The following NLGN1 variants were observed in gnomAD, a reference collection of about 807,000 sequenced individuals.
NLGN1 encodes the protein neuroligin 1.
NLGN1 carries 12 observed loss-of-function variants against 65.5 expected under a neutral mutation model. The ratio of observed to expected loss-of-function variants is 0.18; its 90% confidence interval spans 0.12 to 0.30. The LOEUF is 0.30. NLGN1 is among the 10% of genes least tolerant of loss of function. The probability of loss-of-function intolerance (pLI) is 1.00; values close to 1 mark genes in which losing one functional copy is unlikely to be tolerated. For synonymous variants in NLGN1, 350 were observed against 359.5 expected (o/e 0.97, Z 0.30); for missense variants, 750 against 1,007.1 (o/e 0.74, Z 3.46).
chr3:173,485,439 C>T lies in NLGN1; in HGVS notation c.-321+50361C>T, dbSNP rs566484302. ...TTGTGCTTATGTTTACTTTCTCTTC[C>T]GTTTGAATTTCAGGATTAATTTTTC... On this transcript the variant is annotated intron_variant, in intron 2 of 6. Transcript: ENST00000457714. 3.3e-5 allele frequency among the ~76,000 whole-genome samples: 5 copies of T among 152,182 alleles called. No homozygotes were observed. In the South Asian group the frequency reaches 8.3e-4, roughly 25 times the overall value.
At chr3:173,943,757 C>G (rs1746598063) in intron 4 of NLGN1, among the ~76,000 whole-genome samples, 1 of 152,174 alleles carries the variant, frequency 6.6e-6, no homozygotes, top group African/African-American at 2.4e-5. Context: ...AATGTGAGAA[C>G]AGCATTTAGG....
At chr3:173,959,538 GT>G (rs1229474601) in intron 4 of NLGN1, among the ~76,000 whole-genome samples, 2 of 152,108 alleles carry the variant, frequency 1.3e-5, no homozygotes, top group Admixed American at 1.3e-4. Flanking sequence ...GAACCATATA[GT>G]TTTTTCCCAT....
chr3:173,568,098 C>G (rs1014249654), intron 2 of NLGN1, among the ~76,000 whole-genome samples: 2 of 151,982 alleles, frequency 1.3e-5, no homozygotes, highest in African/African-American at 2.4e-5. Context: ...TCTTTAGTGA[C>G]AACACTTAAA....
At chr3:173,818,106 T>C (rs909153432) in intron 4 of NLGN1, among the ~76,000 whole-genome samples, 1 of 152,228 alleles carries the variant, frequency 6.6e-6, no homozygotes, top group African/African-American at 2.4e-5. Flanking sequence ...TCATTTATTC[T>C]TTCATTAATT....
chr3:174,261,746 A>C (rs1746959533), intron 4 of NLGN1, among the ~76,000 whole-genome samples: 1 of 143,796 alleles, frequency 7.0e-6, no homozygotes, highest in South Asian at 2.2e-4. Context: ...GAGAGAGGGC[A>C]TCCCTGTCTT....
intron 1 of NLGN1, among the ~76,000 whole-genome samples, chr3:173,415,438 T>A (rs907742297): frequency 6.6e-6 from 1 of 152,130 alleles, no homozygotes; most frequent in Non-Finnish European, 1.5e-5. Context: ...CCGGAAAAAG[T>A]AGAATGGAAA....
At chr3:173,799,888 A>G (rs1221940979) in intron 3 of NLGN1, among the ~76,000 whole-genome samples, 2 of 151,936 alleles carry the variant, frequency 1.3e-5, no homozygotes, top group Non-Finnish European at 2.9e-5. Flanking sequence ...CTCAAATTAA[A>G]GAATGAATTT....
intron 4 of NLGN1, among the ~76,000 whole-genome samples, chr3:174,145,213 A>G (rs1722987007): frequency 1.3e-5 from 2 of 152,106 alleles, no homozygotes; most frequent in Admixed American, 6.6e-5. Flanking sequence ...CAGAAATAAG[A>G]TGTTTAAGAT....
chr3:173,951,457 C>CTTTTTT (rs67595515), intron 4 of NLGN1, among the ~76,000 whole-genome samples: 7 of 142,592 alleles, frequency 4.9e-5, no homozygotes, highest in Non-Finnish European at 9.2e-5. Flanking sequence ...AGGTATCATT[C>CTTTTTT]TTTTTTTTTT....
At chr3:173,502,508 A>T (rs1436512602) in intron 2 of NLGN1, among the ~76,000 whole-genome samples, 1 of 152,110 alleles carries the variant, frequency 6.6e-6, no homozygotes, top group Non-Finnish European at 1.5e-5. Flanking sequence ...CACAAAAGGG[A>T]TACATAGTTT....
intron 3 of NLGN1, among the ~76,000 whole-genome samples, chr3:173,725,626 C>A (rs1771633663): frequency 6.6e-6 from 1 of 152,178 alleles, no homozygotes; most frequent in African/African-American, 2.4e-5. Context: ...TGCTGTATAG[C>A]TAATCACTAC....
chr3:173,696,634 T>C (rs1231963813), intron 3 of NLGN1, among the ~76,000 whole-genome samples: 3 of 152,188 alleles, frequency 2.0e-5, no homozygotes, highest in South Asian at 2.1e-4. Context: ...ACAACTCTGT[T>C]TACTTCATAC....
chr3:173,804,521 T>C (rs986069801), intron 3 of NLGN1, among the ~76,000 whole-genome samples: 1 of 152,106 alleles, frequency 6.6e-6, no homozygotes, highest in African/African-American at 2.4e-5. Context: ...TCAACATTAT[T>C]ATTAAAATGA....
chr3:173,903,448 A>G (rs1326969515), intron 4 of NLGN1, among the ~76,000 whole-genome samples: 1 of 152,100 alleles, frequency 6.6e-6, no homozygotes, highest in Non-Finnish European at 1.5e-5. Flanking sequence ...AGATAATTTA[A>G]TCTTTGTACT....
intron 2 of NLGN1, among the ~76,000 whole-genome samples, chr3:173,505,781 C>G (rs1196345155): frequency 2.0e-5 from 3 of 152,158 alleles, no homozygotes; most frequent in East Asian, 3.9e-4. Context: ...GAATTTAGCA[C>G]AATTATTAAA....
At chr3:173,672,153 G>A (rs1176732107) in intron 3 of NLGN1, among the ~76,000 whole-genome samples, 2 of 152,246 alleles carry the variant, frequency 1.3e-5, no homozygotes, top group East Asian at 1.9e-4. Context: ...CAGCCTGGGC[G>A]ACAGAGCGAG....
At chr3:174,067,119 A>G (rs995997772) in intron 4 of NLGN1, among the ~76,000 whole-genome samples, 1 of 152,142 alleles carries the variant, frequency 6.6e-6, no homozygotes, top group Admixed American at 6.6e-5. Context: ...AAAATTAAAA[A>G]CAAAGTCACA....
intron 4 of NLGN1, among the ~76,000 whole-genome samples, chr3:173,888,257 C>T (rs904273491): frequency 6.6e-6 from 1 of 151,712 alleles, no homozygotes; most frequent in African/African-American, 2.4e-5. Flanking sequence ...TTCCAGGACC[C>T]CAGAGATACC....
chr3:173,422,944 C>T (rs867887889), intron 1 of NLGN1, among the ~76,000 whole-genome samples: 12 of 152,158 alleles, frequency 7.9e-5, no homozygotes, highest in East Asian at 1.9e-4. Flanking sequence ...TCTGAGACTA[C>T]GTAATTTATA....
Sources: gnomAD v4.1 joint callset for allele counts (sites outside exome capture counted in the v4.1 genomes callset) on GRCh38, gnomAD v4.1.1 for gene constraint, MANE v1.5 for transcripts, NCBI Gene and HGNC (gene_info 2026-07-23, HGNC 2026-07-21) for gene names.